Variants in CDH18 observed in about 807,000 individuals in gnomAD.
The protein encoded by CDH18 is cadherin-18.
Under a neutral mutation model 67.9 loss-of-function variants are expected in CDH18, and 31 were observed. The ratio of observed to expected loss-of-function variants is 0.46; its 90% CI spans 0.34 to 0.62. The LOEUF is 0.62. Ranked by LOEUF, CDH18 falls within the 20% of genes least tolerant of loss-of-function variation. The pLI is 0.01. For synonymous variants in CDH18, 362 were observed against 347.2 expected, an observed-to-expected ratio of 1.04 and a Z score of -0.48; for missense variants, 890 against 975.5, an observed-to-expected ratio of 0.91 and a Z score of 1.17.
intron 2 of CDH18, among the ~76,000 whole-genome samples, chr5:20,030,682 T>C (rs1461024148): frequency 1.3e-5 from 2 of 152,128 alleles, no homozygotes; most frequent in Admixed American, 6.6e-5. Context: ...TACTCAGATG[T>C]GAATGGCCAA....
intron 2 of CDH18, among the ~76,000 whole-genome samples, chr5:20,182,057 C>A (rs1307650932): frequency 6.6e-6 from 1 of 152,114 alleles, no homozygotes; most frequent in Non-Finnish European, 1.5e-5. Context: ...CTTTACAAAT[C>A]TGTCTTTGAA....
chr5:20,455,217 G>C (rs1267328501), intron 1 of CDH18, among the ~76,000 whole-genome samples: 1 of 151,986 alleles, frequency 6.6e-6, no homozygotes, highest in Non-Finnish European at 1.5e-5. Context: ...AACATAAGGG[G>C]GCTACACATG....
intron 2 of CDH18, among the ~76,000 whole-genome samples, chr5:20,029,379 T>C (rs889043898): frequency 6.6e-6 from 1 of 152,194 alleles, no homozygotes; most frequent in Non-Finnish European, 1.5e-5. Flanking sequence ...TAGATGACTA[T>C]ACATTTTTAC....
chr5:20,148,136 G>A (rs2126554465), intron 2 of CDH18, among the ~76,000 whole-genome samples: 1 of 151,266 alleles, frequency 6.6e-6, no homozygotes, highest in South Asian at 2.1e-4. Context: ...CTGTCACCCA[G>A]GATGGAGTGT....
chr5:19,929,901 A>G (rs1793488670), intron 2 of CDH18, among the ~76,000 whole-genome samples: 1 of 152,098 alleles, frequency 6.6e-6, no homozygotes, highest in Non-Finnish European at 1.5e-5. Context: ...GAAAATTAAA[A>G]CACAATGGCT....
At position 19,471,697 on chromosome 5, in the gene CDH18, A is replaced by C. The variant is rs1228716152; in HGVS notation, c.*1529T>G. ...AAAACAATTTGAAAAAAAAAGCCCC[A>C]CCCAAATTCTCAGAAATTAGCTTAT... On this transcript the variant is annotated 3_prime_UTR_variant, in exon 13 of 13. Transcript: ENST00000382275. Among the ~76,000 whole-genome samples, 1 of 152,070 alleles carries C rather than the reference A, an allele frequency of 6.6e-6. No individual in the cohort carries two copies. The highest frequency in any genetic ancestry group is 1.5e-5 in the Non-Finnish European group (1 of 67,988).
intron 1 of CDH18, among the ~76,000 whole-genome samples, chr5:20,367,957 C>T (rs552517180): frequency 6.6e-6 from 1 of 152,262 alleles, no homozygotes; most frequent in East Asian, 1.9e-4. Flanking sequence ...CTGCCTTACT[C>T]TCAGAGATTC....
intron 4 of CDH18, among the ~76,000 whole-genome samples, chr5:19,734,919 C>A (rs1317242758): frequency 6.6e-6 from 1 of 152,076 alleles, no homozygotes. Context: ...CAAACAAACC[C>A]TAAATTTTAG....
intron 3 of CDH18, among the ~76,000 whole-genome samples, chr5:19,758,087 G>A (rs1422861911): frequency 6.6e-6 from 1 of 152,098 alleles, no homozygotes; most frequent in Non-Finnish European, 1.5e-5. Context: ...GGAGACCATG[G>A]GCATTTGAGC....
At chr5:19,654,784 T>C (rs1398495223) in intron 5 of CDH18, among the ~76,000 whole-genome samples, 1 of 152,130 alleles carries the variant, frequency 6.6e-6, no homozygotes, top group Non-Finnish European at 1.5e-5. Context: ...GGGAGGTAGC[T>C]CTCAGCAGAA....
intron 2 of CDH18, among the ~76,000 whole-genome samples, chr5:20,235,113 T>C (rs1742372910): frequency 6.6e-6 from 1 of 152,108 alleles, no homozygotes; most frequent in Admixed American, 6.6e-5. Context: ...CATATCACCA[T>C]ATAAGCAAAT....
At chr5:19,986,104 T>G (rs1208550751) in intron 1 of CDH18, among the ~76,000 whole-genome samples, 1 of 152,202 alleles carries the variant, frequency 6.6e-6, no homozygotes, top group Non-Finnish European at 1.5e-5. Context: ...AAAAAGTACT[T>G]TATATTTATA....
chr5:20,111,795 G>A (rs560790642), intron 2 of CDH18, among the ~76,000 whole-genome samples: 14 of 151,902 alleles, frequency 9.2e-5, no homozygotes, highest in East Asian at 3.9e-4. Context: ...TGCCCTCCTC[G>A]GCCTCCCAAA....
At chr5:19,850,708 A>G (rs1040902328) in intron 2 of CDH18, among the ~76,000 whole-genome samples, 57 of 152,044 alleles carry the variant, frequency 3.7e-4, no homozygotes, top group African/African-American at 1.3e-3. Flanking sequence ...TCCCAGAGCT[A>G]TAAAAGGAAA....
rs181555429 is a variant in CDH18 at position 20,045,168 on chromosome 5, T to C, written c.-517-53154A>G. 1.8e-4 allele frequency among the ~76,000 whole-genome samples: 27 copies of C among 152,300 alleles called. No individual in the cohort carries two copies. In the East Asian group the frequency reaches 3.7e-3, roughly 21 times the overall value. ...TAGAAGCTGGTCAATTCATGTTAAG[T>C]TGATACAACTTTATAAACATTTAAA... On this transcript the variant is annotated intron_variant, in intron 2 of 14. Transcript: ENST00000507958.
chr5:19,717,587 AT>A (rs1765498602), intron 5 of CDH18, among the ~76,000 whole-genome samples: 2 of 152,074 alleles, frequency 1.3e-5, no homozygotes, highest in Admixed American at 1.3e-4. Context: ...AACTTGAAAT[AT>A]TGATTTATTT....
intron 5 of CDH18, among the ~76,000 whole-genome samples, chr5:19,646,409 G>A (rs1302628611): frequency 6.6e-6 from 1 of 151,578 alleles, no homozygotes; most frequent in Non-Finnish European, 1.5e-5. Flanking sequence ...GTGTGATCTC[G>A]GCTCACTGCA....
intron 2 of CDH18, among the ~76,000 whole-genome samples, chr5:20,081,169 C>G (rs1241052529): frequency 1.3e-5 from 2 of 151,814 alleles, no homozygotes; most frequent in Non-Finnish European, 2.9e-5. Context: ...ATTTTGGTAA[C>G]TTCATTTTAT....
In CDH18 at chr5:19,755,592, A is replaced by T. The variant is rs1771503662; in HGVS notation, c.229-8356T>A. ...AAATATAGGATATATATAATATAAG[A>T]TATATATAATATAAGACATATACAT... On this transcript the variant is annotated intron_variant, in intron 3 of 12. Transcript: ENST00000382275. Among the ~76,000 whole-genome samples the T allele has an allele frequency of 2.7e-5, 4 of 146,432 alleles. No individual in the cohort carries two copies. In the South Asian group the frequency reaches 8.5e-4, roughly 31 times the overall value.
Sources: allele counts gnomAD v4.1 joint callset (sites outside exome capture counted in the v4.1 genomes callset), GRCh38; gene constraint gnomAD v4.1.1; transcripts MANE v1.5; gene names NCBI Gene and HGNC (gene_info 2026-07-23, HGNC 2026-07-21).